SLC4A10: variants seen among roughly 807,000 people sequenced by gnomAD.
SLC4A10 encodes the protein solute carrier family 4 member 10, also known as sodium-driven chloride bicarbonate exchanger.
SLC4A10 carries 42 observed loss-of-function variants against 137.7 expected under a neutral mutation model. That is an observed-to-expected ratio of 0.30 (90% CI 0.24 to 0.39). The LOEUF is 0.39. Ranked by LOEUF, SLC4A10 falls within the 10% of genes least tolerant of loss-of-function variation. The probability of loss-of-function intolerance (pLI) is 1.00; values close to 1 mark genes in which losing one functional copy is unlikely to be tolerated. For missense variants in SLC4A10, 925 were observed against 1,355.0 expected, an observed-to-expected ratio of 0.68 and a Z score of 4.98; for synonymous variants, 474 against 464.1, an observed-to-expected ratio of 1.02 and a Z score of -0.27.
intron 3 of SLC4A10, among the ~76,000 whole-genome samples, chr2:161,827,383 C>G (rs1227926): frequency 0.26 from 39,735 of 152,066 alleles, 7,646 homozygotes; most frequent in African/African-American, 0.55. Context: ...ATATGCAAAA[C>G]TTATCTTTGG....
At chr2:161,697,547 A>G (rs1349064042) in intron 1 of SLC4A10, among the ~76,000 whole-genome samples, 5 of 152,176 alleles carry the variant, frequency 3.3e-5, no homozygotes, top group Admixed American at 2.0e-4. Context: ...TCCCAGCACC[A>G]TTTATTAAAT....
intron 15 of SLC4A10, among the ~76,000 whole-genome samples, chr2:161,934,657 G>A (rs989031953): frequency 2.0e-5 from 3 of 152,058 alleles, no homozygotes; most frequent in Non-Finnish European, 4.4e-5. Flanking sequence ...ATGTGAGGTA[G>A]TATCTCTGTG....
intron 4 of SLC4A10, among the ~76,000 whole-genome samples, chr2:161,844,208 A>G (rs2059358358): frequency 6.6e-6 from 1 of 152,114 alleles, no homozygotes; most frequent in Admixed American, 6.6e-5. Flanking sequence ...TGATACATAC[A>G]TACATGGCAG....
At chr2:161,702,999 C>T (rs1173193018) in intron 1 of SLC4A10, among the ~76,000 whole-genome samples, 1 of 151,660 alleles carries the variant, frequency 6.6e-6, no homozygotes, top group African/African-American at 2.4e-5. Flanking sequence ...CTTTTTGAGA[C>T]CATTTTTCTA....
intron 4 of SLC4A10, among the ~76,000 whole-genome samples, chr2:161,840,812 C>G (rs939708303): frequency 5.9e-5 from 9 of 152,122 alleles, no homozygotes; most frequent in Non-Finnish European, 5.9e-5. Context: ...AAAATGTAGA[C>G]TTAGTAGGCC....
chr2:161,692,084 G>A (rs964411233), intron 1 of SLC4A10, among the ~76,000 whole-genome samples: 24 of 152,026 alleles, frequency 1.6e-4, no homozygotes, highest in African/African-American at 9.6e-5. Flanking sequence ...TAGGAGATAT[G>A]ACAAATTCTC....
At chr2:161,655,817 C>CT (rs1222736703) in intron 1 of SLC4A10, among the ~76,000 whole-genome samples, 1,896 of 142,332 alleles carry the variant, frequency 0.013, 19 homozygotes, top group South Asian at 0.026. Context: ...AAAAATTCTT[C>CT]TTTTTTTTTT....
chr2:161,852,186 A>G (rs1267135322), intron 4 of SLC4A10, among the ~76,000 whole-genome samples: 2 of 152,224 alleles, frequency 1.3e-5, no homozygotes, highest in African/African-American at 4.8e-5. Flanking sequence ...AATTGAGGAC[A>G]TTTTCCATAG....
At chr2:161,799,212 A>C (rs758887297) in intron 2 of SLC4A10, among the ~76,000 whole-genome samples, 2 of 151,750 alleles carry the variant, frequency 1.3e-5, no homozygotes, top group Non-Finnish European at 2.9e-5. Context: ...CTTTAATTAA[A>C]TTTTTGGCCT....
intron 24 of SLC4A10, among the ~76,000 whole-genome samples, chr2:161,975,708 C>T (rs575698800): frequency 1.3e-5 from 2 of 152,252 alleles, no homozygotes; most frequent in African/African-American, 4.8e-5. Context: ...TGTGACCTAT[C>T]ACCAATCAGG....
In SLC4A10 at chr2:161,914,822, CT is replaced by C. The variant is rs774447065; in HGVS notation, c.1997+8940del. ...AATGTGACTGTATTTGGAGACAGGA[CT>C]TTTTAAAAAATGATTAAGATTAAAT... On this transcript the variant is annotated intron_variant, in intron 15 of 26. Coordinates refer to ENST00000446997, the MANE Select transcript of SLC4A10 (RefSeq NM_001178015.2). 1.3e-4 allele frequency among the ~76,000 whole-genome samples: 20 copies of C among 152,116 alleles called. No individual in the cohort carries two copies. The South Asian group carries it at 3.9e-3, about 30-fold the overall frequency.
chr2:161,975,489 C>G (rs1481088894), intron 24 of SLC4A10, among the ~76,000 whole-genome samples: 2 of 152,176 alleles, frequency 1.3e-5, no homozygotes, highest in Non-Finnish European at 2.9e-5. Flanking sequence ...GACTCTTCCT[C>G]ACATAATATC....
chr2:161,886,190 C>T (rs891063218), intron 10 of SLC4A10, among the ~76,000 whole-genome samples: 1 of 152,016 alleles, frequency 6.6e-6, no homozygotes, highest in Non-Finnish European at 1.5e-5. Flanking sequence ...AAATACTAAG[C>T]GAGGTGTTAT....
intron 2 of SLC4A10, among the ~76,000 whole-genome samples, chr2:161,780,335 G>A (rs563345552): frequency 2.0e-5 from 3 of 152,048 alleles, no homozygotes; most frequent in South Asian, 2.1e-4. Flanking sequence ...GGCTTAAAAT[G>A]GAATCTCTCA....
At chr2:161,685,523 G>T (rs1312465686) in intron 1 of SLC4A10, among the ~76,000 whole-genome samples, 2 of 152,078 alleles carry the variant, frequency 1.3e-5, no homozygotes, top group Non-Finnish European at 2.9e-5. Flanking sequence ...CATGAGAATT[G>T]CTTGAACCCA....
chr2:161,639,617 T>C (rs2034987615), intron 1 of SLC4A10, among the ~76,000 whole-genome samples: 1 of 152,136 alleles, frequency 6.6e-6, no homozygotes, highest in Non-Finnish European at 1.5e-5. Context: ...AGAAGGAACA[T>C]ACCTTAACAC....
intron 2 of SLC4A10, 112 bp downstream of exon 2, chr2:161,771,166 G>A (rs1364724877): frequency 2.7e-6 from 2 of 734,410 alleles, no homozygotes; most frequent in Non-Finnish European, 4.6e-6. Context: ...CAGAGTAATG[G>A]TAGCTTACTG....
intron 1 of SLC4A10, among the ~76,000 whole-genome samples, chr2:161,705,347 A>G (rs1198493857): frequency 1.3e-5 from 2 of 151,552 alleles, no homozygotes; most frequent in African/African-American, 4.8e-5. Context: ...CCCCATCTGT[A>G]AAATAAGTGC....
chr2:161,740,074 T>A (rs1483596551), intron 1 of SLC4A10, among the ~76,000 whole-genome samples: 1 of 152,178 alleles, frequency 6.6e-6, no homozygotes, highest in African/African-American at 2.4e-5. Flanking sequence ...TACCAGGGTT[T>A]TGATGTTCAA....
Sources: gnomAD v4.1 joint callset for allele counts (sites outside exome capture counted in the v4.1 genomes callset) on GRCh38, gnomAD v4.1.1 for gene constraint, MANE v1.5 for transcripts, NCBI Gene and HGNC (gene_info 2026-07-23, HGNC 2026-07-21) for gene names.